PDGFC: variants seen among roughly 807,000 people sequenced by gnomAD.
PDGFC encodes platelet derived growth factor C.
Under a neutral mutation model 35.5 loss-of-function variants are expected in PDGFC, and 12 were observed. The observed-to-expected ratio is 0.34, with a 90% CI of 0.22 to 0.55. The LOEUF is 0.55. Ranked by LOEUF, PDGFC falls within the 20% of genes least tolerant of loss-of-function variation. The pLI is 0.91. For missense variants in PDGFC, 322 were observed against 412.4 expected (o/e 0.78, Z 1.90); for synonymous variants, 159 against 148.8 (o/e 1.07, Z -0.50).
chr4:156,889,733 GTTTTGGT>G (rs1011459642), intron 1 of PDGFC, among the ~76,000 whole-genome samples: 14 of 152,170 alleles, frequency 9.2e-5, no homozygotes, highest in Non-Finnish European at 7.4e-5. Context: ...AACAGGCATT[GTTTTGGT>G]TTTGGTTTTT....
intron 4 of PDGFC, among the ~76,000 whole-genome samples, chr4:156,771,452 G>T (rs1032843961): frequency 6.6e-5 from 10 of 152,120 alleles, no homozygotes; most frequent in Non-Finnish European, 1.2e-4. Context: ...AGTGTTGCTC[G>T]TAAGTTATTC....
chr4:156,786,914 T>C (rs947684801), intron 3 of PDGFC, among the ~76,000 whole-genome samples: 2 of 152,046 alleles, frequency 1.3e-5, no homozygotes, highest in African/African-American at 2.4e-5. Flanking sequence ...GTGCTGAAAA[T>C]AGAATGCAGG....
rs144663168 is a variant in PDGFC at position 156,919,484 on chromosome 4, C to T, written c.118+51302G>A. Among the ~76,000 whole-genome samples the T allele has an allele frequency of 7.5e-3, 310 of 41,314 alleles. 1 individual carries two copies. The highest frequency in any genetic ancestry group is 0.024 in the African/African-American group (270 of 11,414). 27.1% of individuals were successfully genotyped at this position (41,314 alleles called of 152,430 possible). ...GGCAGTCTGGTTCAATTTTCTCACA[C>T]GCATTTTTTCCTATTTATTTCATCA... On this transcript the variant is annotated intron_variant, in intron 1 of 5. Transcript: ENST00000502773.
intron 3 of PDGFC, among the ~76,000 whole-genome samples, chr4:156,791,739 C>T (rs1315213502): frequency 6.6e-6 from 1 of 151,992 alleles, no homozygotes; most frequent in East Asian, 1.9e-4. Flanking sequence ...ATTTAGCATC[C>T]CACGTACCAC....
chr4:156,832,990 A>G (rs1340913918), intron 2 of PDGFC, among the ~76,000 whole-genome samples: 1 of 152,148 alleles, frequency 6.6e-6, no homozygotes, highest in Non-Finnish European at 1.5e-5. Flanking sequence ...TCATTGAGAA[A>G]CTGATCACTG....
intron 1 of PDGFC, among the ~76,000 whole-genome samples, chr4:156,860,171 A>G (rs966832268): frequency 2.0e-5 from 3 of 152,118 alleles, no homozygotes; most frequent in African/African-American, 7.2e-5. Context: ...ATTCTCTAAC[A>G]CCCCATTATC....
chr4:156,774,318 C>T (rs1218736802), intron 3 of PDGFC: 2 of 152,226 alleles, frequency 1.3e-5, no homozygotes, highest in African/African-American at 4.8e-5. Flanking sequence ...AATCTGTCCC[C>T]ATACCTGACA....
chr4:156,826,732 A>G (rs1427647913), intron 2 of PDGFC, among the ~76,000 whole-genome samples: 2 of 152,208 alleles, frequency 1.3e-5, no homozygotes, highest in African/African-American at 4.8e-5. Flanking sequence ...TAAAATTTGA[A>G]AAGGATTAAA....
intron 2 of PDGFC, among the ~76,000 whole-genome samples, chr4:156,838,123 C>A (rs1403124361): frequency 6.6e-6 from 1 of 152,174 alleles, no homozygotes; most frequent in Non-Finnish European, 1.5e-5. Context: ...TATTCTGTGT[C>A]CAGAAGTGCG....
intron 1 of PDGFC, among the ~76,000 whole-genome samples, chr4:156,947,755 A>C (rs954715905): frequency 6.6e-6 from 1 of 152,014 alleles, no homozygotes; most frequent in African/African-American, 2.4e-5. Context: ...TGTTTCTTCC[A>C]AAAACTAAAT....
intron 1 of PDGFC, among the ~76,000 whole-genome samples, chr4:156,951,909 CTAAA>C (rs1347940018): frequency 2.6e-5 from 4 of 151,618 alleles, no homozygotes; most frequent in African/African-American, 9.7e-5. Context: ...CAGTGAATGC[CTAAA>C]TAGATAGGAA....
intron 2 of PDGFC, among the ~76,000 whole-genome samples, chr4:156,827,011 A>G (rs1728776473): frequency 6.6e-6 from 1 of 152,236 alleles, no homozygotes; most frequent in East Asian, 1.9e-4. Flanking sequence ...TTTAATGAAT[A>G]TCTATTCTAT....
chr4:156,896,704 CTG>C (rs1730640429), intron 1 of PDGFC, among the ~76,000 whole-genome samples: 1 of 152,186 alleles, frequency 6.6e-6, no homozygotes, highest in Non-Finnish European at 1.5e-5. Flanking sequence ...GCAGATACCA[CTG>C]TGTTATTTGA....
intron 1 of PDGFC, among the ~76,000 whole-genome samples, chr4:156,870,652 C>A (rs973788055): frequency 1.3e-5 from 2 of 151,186 alleles, no homozygotes; most frequent in Non-Finnish European, 3.0e-5. Flanking sequence ...TTATTTAATA[C>A]GAAATACAGG....
At chr4:156,922,468 A>C (rs781655305) in intron 1 of PDGFC, among the ~76,000 whole-genome samples, 11 of 152,210 alleles carry the variant, frequency 7.2e-5, no homozygotes, top group Non-Finnish European at 1.5e-4. Flanking sequence ...TACAATTAAC[A>C]TATGGTGTGA....
chr4:156,837,612 A>T (rs953301529), intron 2 of PDGFC, among the ~76,000 whole-genome samples: 4 of 152,112 alleles, frequency 2.6e-5, no homozygotes, highest in Non-Finnish European at 4.4e-5. Context: ...TGACACAAAA[A>T]ATGGCATTCC....
At chr4:156,876,365 G>T (rs1579071631) in intron 1 of PDGFC, 1 of 151,966 alleles carries the variant, frequency 6.6e-6, no homozygotes, top group Non-Finnish European at 1.5e-5. Flanking sequence ...ATTGAAAAAA[G>T]TTACTTGATC....
At chr4:156,807,662 G>A (rs913985512) in intron 3 of PDGFC, among the ~76,000 whole-genome samples, 2 of 151,970 alleles carry the variant, frequency 1.3e-5, no homozygotes, top group African/African-American at 4.8e-5. Flanking sequence ...CTGCCTCTAA[G>A]ACACATGGTA....
intron 1 of PDGFC, among the ~76,000 whole-genome samples, chr4:156,868,798 C>T (rs1271009235): frequency 6.6e-6 from 1 of 152,170 alleles, no homozygotes; most frequent in African/African-American, 2.4e-5. Context: ...TTTATACCTG[C>T]AGTTGGTTCT....
Sources: allele counts gnomAD v4.1 joint callset (sites outside exome capture counted in the v4.1 genomes callset), GRCh38; gene constraint gnomAD v4.1.1; transcripts MANE v1.5; gene names NCBI Gene and HGNC (gene_info 2026-07-23, HGNC 2026-07-21).